Variants in TMX4 observed in about 807,000 individuals in gnomAD.
The protein encoded by TMX4 is thioredoxin related transmembrane protein 4, also known as thioredoxin-related transmembrane protein 4.
In TMX4, 23 loss-of-function variants were observed where a neutral mutation model predicts 33.3. That is an observed-to-expected ratio of 0.69 (90% CI 0.50 to 0.98). The LOEUF is 0.98. Ranked by LOEUF, TMX4 falls within the 50% of genes least tolerant of loss-of-function variation. TMX4 has a pLI of 0.00. For synonymous variants in TMX4, 164 were observed against 161.5 expected (o/e 1.02, Z -0.12); for missense variants, 399 against 448.9 (o/e 0.89, Z 1.01).
rs778425468 is a variant in TMX4 at position 7,983,788 on chromosome 20, A to G, written c.679+6T>C. ...ACTCTAGATCACAGGAGCTTATCGT[A>G]CTTACCAGAACGCTCAGATAAATGC... On this transcript the variant is annotated splice_donor_region_variant and intron_variant, in intron 7 of 7. Transcript: ENST00000246024. The G allele has an allele frequency of 1.9e-6, 3 of 1,613,070 alleles. No homozygotes were observed. In the South Asian group the frequency reaches 3.3e-5, roughly 18 times the overall value.
intron 4 of TMX4, among the ~76,000 whole-genome samples, chr20:7,996,972 T>A (rs76981318): frequency 1.3e-5 from 2 of 152,126 alleles, no homozygotes; most frequent in Non-Finnish European, 2.9e-5. Context: ...GACCTCACCA[T>A]GTTTCATTCA....
chr20:8,015,732 T>C (rs2050772200), intron 1 of TMX4, among the ~76,000 whole-genome samples: 1 of 152,158 alleles, frequency 6.6e-6, no homozygotes, highest in African/African-American at 2.4e-5. Context: ...ACACATTCTC[T>C]CCAGGTATAA....
intron 1 of TMX4, among the ~76,000 whole-genome samples, chr20:8,012,454 G>A (rs921402151): frequency 2.0e-5 from 3 of 152,070 alleles, no homozygotes; most frequent in African/African-American, 7.2e-5. Flanking sequence ...GACAAAGCAG[G>A]TATAGAGATG....
At chr20:8,014,420 A>G (rs2050764361) in intron 1 of TMX4, among the ~76,000 whole-genome samples, 1 of 152,232 alleles carries the variant, frequency 6.6e-6, no homozygotes, top group Admixed American at 6.5e-5. Flanking sequence ...TAAAAGAGCA[A>G]TTAATCTATT....
chr20:8,012,461 G>A (rs1486091363), intron 1 of TMX4, among the ~76,000 whole-genome samples: 1 of 152,116 alleles, frequency 6.6e-6, no homozygotes, highest in African/African-American at 2.4e-5. Context: ...CAGGTATAGA[G>A]ATGTGCTTAA....
At chr20:8,019,078 C>G (rs1447194378) in intron 1 of TMX4, 1 of 471,420 alleles carries the variant, frequency 2.1e-6, no homozygotes, top group East Asian at 7.1e-5. Flanking sequence ...TTCTTCCTTC[C>G]CTTCTCCTCC....
intron 1 of TMX4, among the ~76,000 whole-genome samples, chr20:8,016,919 C>A (rs1202881667): frequency 6.6e-6 from 1 of 151,966 alleles, no homozygotes; most frequent in Non-Finnish European, 1.5e-5. Flanking sequence ...TATGTATGAC[C>A]AGCTCATCTG....
At chr20:8,000,087 G>A (rs2050697990) in intron 3 of TMX4, among the ~76,000 whole-genome samples, 1 of 152,142 alleles carries the variant, frequency 6.6e-6, no homozygotes. Context: ...ACCGTACAAA[G>A]TGTGACTAAA....
chr20:8,018,528 G>GAGAC (rs1568541378), intron 1 of TMX4, among the ~76,000 whole-genome samples: 1 of 41,982 alleles, frequency 2.4e-5, no homozygotes, highest in Non-Finnish European at 3.5e-5. Context: ...GAGAGAGAGA[G>GAGAC]TCTGCAAGCC....
At chr20:7,987,180 T>G (rs1253034649) in intron 6 of TMX4, 108 bp downstream of exon 6, 1 of 778,804 alleles carries the variant, frequency 1.3e-6, no homozygotes, top group Admixed American at 3.2e-5. Flanking sequence ...CTACTTAGAT[T>G]GCACAAAATA....
chr20:7,994,995 G>A (rs1298667440), intron 5 of TMX4, among the ~76,000 whole-genome samples: 1 of 152,104 alleles, frequency 6.6e-6, no homozygotes, highest in Admixed American at 6.5e-5. Flanking sequence ...CTGAAAGACT[G>A]AAACCAAGTC....
At chr20:8,010,034 C>T (rs566156211) in intron 2 of TMX4, among the ~76,000 whole-genome samples, 166 bp downstream of exon 2, 21 of 151,958 alleles carry the variant, frequency 1.4e-4, no homozygotes, top group African/African-American at 5.1e-4. Flanking sequence ...CAAACACATA[C>T]ACGTAAAGAC....
chr20:7,983,871 A>C lies in TMX4; in HGVS notation c.616-14T>G, dbSNP rs758545912. On this transcript the variant is annotated splice_polypyrimidine_tract_variant and intron_variant, in intron 6 of 7. Coordinates refer to ENST00000246024, the MANE Select transcript of TMX4 (RefSeq NM_021156.4). ...TACCACCAAGACCTGGAAGGAAAAA[A>C]GTGATTTTACAGTGAATAGATAGGA... is the stretch of plus-strand genomic sequence containing the variant. 7 of 1,611,454 alleles carry C rather than the reference A, an allele frequency of 4.3e-6. No individual in the cohort carries two copies. Among genetic ancestry groups the C allele is most frequent in the Non-Finnish European group, 5.1e-6 (6 of 1,178,340 alleles).
intron 1 of TMX4, among the ~76,000 whole-genome samples, chr20:8,017,885 G>A (rs2050782808): frequency 6.6e-6 from 1 of 152,136 alleles, no homozygotes; most frequent in East Asian, 1.9e-4. Context: ...AATAATTCAT[G>A]TCTACAGTTC....
At chr20:8,011,570 T>C (rs2050753140) in intron 1 of TMX4, among the ~76,000 whole-genome samples, 1 of 152,156 alleles carries the variant, frequency 6.6e-6, no homozygotes, top group African/African-American at 2.4e-5. Context: ...TTTTGATCTT[T>C]CGCATTATAA....
intron 4 of TMX4, among the ~76,000 whole-genome samples, chr20:7,998,319 T>G (rs1268302455): frequency 2.6e-5 from 4 of 152,214 alleles, no homozygotes; most frequent in South Asian, 2.1e-4. Flanking sequence ...AGATCCATCA[T>G]GTACTCAAAC....
rs1156723197 is a variant in TMX4 at position 8,018,481 on chromosome 20, GGAGAGAGAGAGAGA to G, written c.176+943_176+956del. 9.8e-3 allele frequency among the ~76,000 whole-genome samples: 134 copies of G among 13,708 alleles called. 2 individuals carry two copies. The highest frequency in any genetic ancestry group is 0.028 in the South Asian group (6 of 218). 9.0% of individuals were successfully genotyped at this position (13,708 alleles called of 152,430 possible). ...GAGGGAGGGAGGGAGGGAGGGAGGG[GGAGAGAGAGAGAGA>G]GAGAGAGAGAGAGAGAGAGAGAGAG... On this transcript the variant is annotated intron_variant, in intron 1 of 7. Coordinates refer to ENST00000246024, the MANE Select transcript of TMX4 (RefSeq NM_021156.4).
intron 2 of TMX4, among the ~76,000 whole-genome samples, chr20:8,006,887 T>G (rs569084455): frequency 1.3e-5 from 2 of 152,014 alleles, no homozygotes; most frequent in East Asian, 3.9e-4. Flanking sequence ...TGCCTCAGCC[T>G]CCCAAGTAGC....
intron 4 of TMX4, 107 bp downstream of exon 4, chr20:7,999,625 T>C (rs1458294308): frequency 3.2e-6 from 4 of 1,269,776 alleles, no homozygotes; most frequent in East Asian, 5.0e-5. Flanking sequence ...ATCTGGGTAA[T>C]TGGAAGTAAA....
Sources: gnomAD v4.1 joint callset for allele counts (sites outside exome capture counted in the v4.1 genomes callset) on GRCh38, gnomAD v4.1.1 for gene constraint, MANE v1.5 for transcripts, NCBI Gene and HGNC (gene_info 2026-07-23, HGNC 2026-07-21) for gene names.